The following EDNRB variants were observed in gnomAD, a reference collection of about 807,000 sequenced individuals.
EDNRB encodes endothelin receptor type B, also known as Hirschsprung disease 2.
Under a neutral mutation model 46.4 loss-of-function variants are expected in EDNRB, and 18 were observed. That is an observed-to-expected ratio of 0.39 (90% CI 0.27 to 0.57). The LOEUF (loss-of-function observed/expected upper bound fraction) is 0.57. EDNRB is among the 20% of genes least tolerant of loss of function. The pLI, the probability that EDNRB is intolerant of heterozygous loss-of-function variation, is 0.61. For synonymous variants in EDNRB, 213 were observed against 204.9 expected (o/e 1.04, Z -0.34); for missense variants, 434 against 537.5 (o/e 0.81, Z 1.90).
chr13:77,940,708 T>G (rs538823088), intron 1 of EDNRB, among the ~76,000 whole-genome samples: 9 of 25,696 alleles, frequency 3.5e-4, no homozygotes, highest in African/African-American at 7.6e-4. Context: ...TGGGTGTGTG[T>G]GTGTGTGTGT....
At chr13:77,923,334 T>C (rs1425570248), upstream of EDNRB, among the ~76,000 whole-genome samples, 1 of 152,198 alleles carries the variant, frequency 6.6e-6, no homozygotes, top group African/African-American at 2.4e-5. Flanking sequence ...AAACAAAAAA[T>C]GAGTGTAACC....
At chr13:77,964,710 C>T (rs763679720) in intron 1 of EDNRB, among the ~76,000 whole-genome samples, 7 of 151,896 alleles carry the variant, frequency 4.6e-5, no homozygotes, top group Non-Finnish European at 8.8e-5. Flanking sequence ...CACACCAACA[C>T]GGCACATGTA....
intron 1 of EDNRB, among the ~76,000 whole-genome samples, chr13:77,942,394 T>G (rs770994012): frequency 1.3e-5 from 2 of 152,172 alleles, no homozygotes; most frequent in Admixed American, 6.5e-5. Context: ...GGAAAGAGGT[T>G]AAATATGTTG....
At chr13:77,932,470 A>C (rs1880434611) in intron 1 of EDNRB, among the ~76,000 whole-genome samples, 1 of 152,194 alleles carries the variant, frequency 6.6e-6, no homozygotes, top group African/African-American at 2.4e-5. Context: ...CTACTTTATT[A>C]AAGTCTTACA....
rs200392610 is a variant in EDNRB, at chr13:77,903,587, T to C, written c.504A>G (p.Pro168=). 1.4e-5 allele frequency: 22 copies of C among 1,612,772 alleles called. 1 individual carries two copies. In the South Asian group the frequency reaches 2.2e-4, roughly 16 times the overall value. ...CCAGCTTACACATCTCAGCTCCAAA[T>C]GGCCAGTCCTCTGCCAGCAGCTGCA... ...NVYKLLAEDW[P]FGAEMCKLVP... The change falls in exon 2 of 7, where the codon CCA becomes CCG. Residue 168 remains proline, a synonymous_variant. Coordinates refer to ENST00000646607, the MANE Select transcript of EDNRB (RefSeq NM_001122659.3).
chr13:77,917,482 C>T (rs1450225218), intron 1 of EDNRB, among the ~76,000 whole-genome samples: 7 of 152,144 alleles, frequency 4.6e-5, no homozygotes, highest in Non-Finnish European at 1.0e-4. Flanking sequence ...CAAAACAGTC[C>T]TTCCCAAAGT....
chr13:77,959,478 G>A (rs887525289), intron 1 of EDNRB, among the ~76,000 whole-genome samples: 1 of 152,218 alleles, frequency 6.6e-6, no homozygotes. Context: ...GCAGCTGAGG[G>A]TCCTGACTGT....
intron 1 of EDNRB, among the ~76,000 whole-genome samples, chr13:77,942,924 G>A (rs992699354): frequency 1.3e-5 from 2 of 152,050 alleles, no homozygotes; most frequent in Admixed American, 1.3e-4. Context: ...TTAGTTCAGG[G>A]AATATTATGT....
intron 1 of EDNRB, among the ~76,000 whole-genome samples, chr13:77,965,075 G>A (rs184497753): frequency 1.5e-4 from 23 of 152,248 alleles, no homozygotes; most frequent in African/African-American, 4.8e-4. Flanking sequence ...GCCCTCTTCT[G>A]ATAATCTGGT....
chr13:77,930,598 T>G (rs1413966351), intron 1 of EDNRB, among the ~76,000 whole-genome samples: 1 of 152,214 alleles, frequency 6.6e-6, no homozygotes, highest in Non-Finnish European at 1.5e-5. Flanking sequence ...AGGTAGGAAC[T>G]TCCACAACAG....
intron 1 of EDNRB, among the ~76,000 whole-genome samples, chr13:77,935,593 AG>A (rs1880537824): frequency 6.6e-6 from 1 of 152,222 alleles, no homozygotes; most frequent in Admixed American, 6.5e-5. Flanking sequence ...CACAATAGGC[AG>A]GGAGAGCATG....
chr13:77,949,553 T>G (rs1881030003), intron 1 of EDNRB, among the ~76,000 whole-genome samples: 1 of 152,208 alleles, frequency 6.6e-6, no homozygotes, highest in South Asian at 2.1e-4. Context: ...TCTCTTCCAC[T>G]TCAACTCAGC....
At chr13:77,919,680 C>A (rs943780921), upstream of EDNRB, 27 of 1,479,686 alleles carry the variant, frequency 1.8e-5, no homozygotes, top group Non-Finnish European at 2.5e-5. Flanking sequence ...GCAACCTTTC[C>A]CCTTGGGCGA....
At chr13:77,966,552 AATG>A (rs889076875) in intron 1 of EDNRB, among the ~76,000 whole-genome samples, 3 of 152,180 alleles carry the variant, frequency 2.0e-5, no homozygotes, top group Admixed American at 6.5e-5. Context: ...CATTTCTCAA[AATG>A]ATGTTCAGAA....
chr13:77,948,477 A>G (rs1880995465), intron 1 of EDNRB, among the ~76,000 whole-genome samples: 1 of 152,194 alleles, frequency 6.6e-6, no homozygotes, highest in South Asian at 2.1e-4. Flanking sequence ...GGTGCTTAAT[A>G]TCTGATACGT....
At chr13:77,905,736 T>A (rs771696546) in intron 1 of EDNRB, among the ~76,000 whole-genome samples, 1 of 151,946 alleles carries the variant, frequency 6.6e-6, no homozygotes, top group Admixed American at 6.6e-5. Context: ...CAGTAAGCCA[T>A]GCGAAGAGCA....
intron 1 of EDNRB, among the ~76,000 whole-genome samples, chr13:77,960,191 A>G (rs1014191727): frequency 9.8e-5 from 15 of 152,350 alleles, no homozygotes; most frequent in African/African-American, 3.6e-4. Flanking sequence ...CGAGAATGCC[A>G]CAAAGATACT....
At position 77,918,117 on chromosome 13, in the gene EDNRB, T is replaced by C. The variant is rs1566316504; in HGVS notation, c.457A>G (p.Ile153Val). Residue 153 changes from isoleucine (I) to valine (V), a missense_variant, in exon 1 of 7, where the codon ATT becomes GTT. Physicochemically the swap from Ile to Val is conservative, Grantham distance 29. Coordinates refer to ENST00000646607, the MANE Select transcript of EDNRB (RefSeq NM_001122659.3). This position sits in a 1 kb window ranked among gnomAD's most constrained non-coding sequence, Gnocchi z 4.5. ...TTGTAGACATTGATAGGGATGTCAA[T>C]GACGATGTGCAGCAGGTCTCCCAGA... Reference protein sequence around the residue: ...LALGDLLHIVIDIPINVYKLL... With the variant: ...LALGDLLHIVVDIPINVYKLL... The C allele has an allele frequency of 4.3e-6, 7 of 1,614,190 alleles. No individual in the cohort carries two copies. Among genetic ancestry groups the C allele is most frequent in the Non-Finnish European group, 5.9e-6 (7 of 1,180,030 alleles).
At chr13:77,969,132 T>A (rs563651729) in intron 1 of EDNRB, among the ~76,000 whole-genome samples, 27 of 152,212 alleles carry the variant, frequency 1.8e-4, no homozygotes, top group Non-Finnish European at 3.2e-4. Flanking sequence ...TATATAGCAA[T>A]AACATAATTG....
Sources: allele counts gnomAD v4.1 joint callset (sites outside exome capture counted in the v4.1 genomes callset), GRCh38; gene constraint gnomAD v4.1.1; non-coding constraint Gnocchi (gnomAD v3.1); transcripts MANE v1.5; gene names NCBI Gene and HGNC (gene_info 2026-07-23, HGNC 2026-07-21).